TOGARAM1: variants seen among roughly 807,000 people sequenced by gnomAD.
TOGARAM1 encodes the protein TOG array regulator of axonemal microtubules 1, also known as TOG array regulator of axonemal microtubules protein 1.
TOGARAM1 carries 100 observed loss-of-function variants against 166.6 expected under a neutral mutation model. The ratio of observed to expected loss-of-function variants is 0.60; its 90% CI spans 0.51 to 0.71. The LOEUF (loss-of-function observed/expected upper bound fraction) is 0.71. TOGARAM1 is among the 30% of genes least tolerant of loss of function. TOGARAM1 has a pLI of 0.00. For synonymous variants in TOGARAM1, 758 were observed against 763.8 expected, an observed-to-expected ratio of 0.99 and a Z score of 0.13; for missense variants, 2,029 against 2,102.7, an observed-to-expected ratio of 0.96 and a Z score of 0.69.
chr14:45,056,681 G>C (rs1404555259), intron 16 of TOGARAM1, among the ~76,000 whole-genome samples: 1 of 151,988 alleles, frequency 6.6e-6, no homozygotes, highest in Non-Finnish European at 1.5e-5. Context: ...TTAATTCCGT[G>C]TGTTAAACCA....
At chr14:45,010,407 A>G (rs1879719706) in intron 6 of TOGARAM1, among the ~76,000 whole-genome samples, 1 of 152,218 alleles carries the variant, frequency 6.6e-6, no homozygotes, top group South Asian at 2.1e-4. Context: ...TGTTTACATA[A>G]TGTTATAAGA....
intron 2 of TOGARAM1, among the ~76,000 whole-genome samples, chr14:44,999,131 T>A (rs1887571215): frequency 6.6e-6 from 1 of 152,100 alleles, no homozygotes; most frequent in African/African-American, 2.4e-5. Context: ...TTCTTCAACA[T>A]ACCTGTCTTT....
intron 14 of TOGARAM1, among the ~76,000 whole-genome samples, chr14:45,051,030 G>A (rs1882338777): frequency 6.6e-6 from 1 of 152,172 alleles, no homozygotes; most frequent in South Asian, 2.1e-4. Context: ...TTTTGAAGTA[G>A]TATAAGACAT....
intron 1 of TOGARAM1, among the ~76,000 whole-genome samples, chr14:44,967,510 T>C (rs953858312): frequency 6.6e-6 from 1 of 152,210 alleles, no homozygotes; most frequent in Non-Finnish European, 1.5e-5. Flanking sequence ...CTTTTATCTA[T>C]GTAATTATTA....
intron 7 of TOGARAM1, among the ~76,000 whole-genome samples, chr14:45,021,034 A>G (rs570867488): frequency 1.3e-5 from 2 of 152,214 alleles, no homozygotes; most frequent in African/African-American, 4.8e-5. Flanking sequence ...GGAGGGTTTC[A>G]TGTAGTTTTG....
chr14:45,034,553 G>A (rs1471356317), intron 11 of TOGARAM1, among the ~76,000 whole-genome samples: 2 of 152,190 alleles, frequency 1.3e-5, no homozygotes, highest in Non-Finnish European at 2.9e-5. Flanking sequence ...AATGTCAGGA[G>A]CATATACAAT....
chr14:45,009,711 A>C (rs1277133758), intron 6 of TOGARAM1, among the ~76,000 whole-genome samples: 1 of 152,212 alleles, frequency 6.6e-6, no homozygotes, highest in Non-Finnish European at 1.5e-5. Flanking sequence ...ATTTTTCAGC[A>C]TAGCAGTTGG....
chr14:45,041,357 C>T (rs1255689533), intron 11 of TOGARAM1, among the ~76,000 whole-genome samples: 16 of 152,122 alleles, frequency 1.1e-4, no homozygotes, highest in African/African-American at 2.2e-4. Flanking sequence ...GCTGAGATCA[C>T]GCCACTGCAC....
At chr14:45,012,264 A>T (rs907623275) in intron 7 of TOGARAM1, among the ~76,000 whole-genome samples, 189 bp downstream of exon 7, 2 of 152,166 alleles carry the variant, frequency 1.3e-5, no homozygotes, top group East Asian at 3.8e-4. Context: ...ATATTTATTT[A>T]CCTGAATCAT....
In TOGARAM1 at chr14:45,044,401, CATG is replaced by C. The variant is rs201866793; in HGVS notation, c.3919-233_3919-231del. On this transcript the variant is annotated intron_variant, in intron 12 of 19. Transcript: ENST00000361462. ...ACTAAAAATACAAAAATTAGCCAGG[CATG>C]GTGGTGTGCATCTGTAATCCTAGCT... is the stretch of plus-strand genomic sequence containing the variant. Among the ~76,000 whole-genome samples the C allele has an allele frequency of 9.8e-3, 1,498 of 152,164 alleles. 91 individuals carry two copies. Among genetic ancestry groups the C allele is most frequent in the Admixed American group, 0.093 (1,422 of 15,262 alleles).
chr14:45,043,881 A>C, intron 12 of TOGARAM1, 90 bp downstream of exon 12: 1 of 713,586 alleles, frequency 1.4e-6, no homozygotes, highest in Non-Finnish European at 2.4e-6. Flanking sequence ...TTTTTAAACA[A>C]CTCTGTACCA....
chr14:45,013,086 T>A (rs1192404995), intron 7 of TOGARAM1, among the ~76,000 whole-genome samples: 2 of 152,198 alleles, frequency 1.3e-5, no homozygotes, highest in Non-Finnish European at 2.9e-5. Flanking sequence ...TCTTGTACTT[T>A]CCCTGTTTGT....
At chr14:45,045,615 G>GTATATA (rs1881995804) in intron 13 of TOGARAM1, among the ~76,000 whole-genome samples, 2 of 44,340 alleles carry the variant, frequency 4.5e-5, no homozygotes, top group Non-Finnish European at 4.6e-5. Context: ...GTGTGTGTGT[G>GTATATA]TGTATATATA....
At chr14:44,986,611 C>T (rs1313505050) in intron 1 of TOGARAM1, among the ~76,000 whole-genome samples, 1 of 151,492 alleles carries the variant, frequency 6.6e-6, no homozygotes, top group Non-Finnish European at 1.5e-5. Flanking sequence ...TTTTTCTAAA[C>T]AATTATATGC....
rs192860952 is a variant in TOGARAM1, at chr14:45,058,573, G to A, written c.4559+4024G>A. ...CTCCCAAAGTGCTTGGATTACAGGC[G>A]TGAGCCACCATGCCCAGCCTAGAAT... On this transcript the variant is annotated intron_variant, in intron 16 of 19. Coordinates refer to ENST00000361462, the MANE Select transcript of TOGARAM1 (RefSeq NM_001308120.2). Among the ~76,000 whole-genome samples, 5 of 152,216 alleles carry A rather than the reference G, an allele frequency of 3.3e-5. No homozygotes were observed. The East Asian group carries it at 7.7e-4, about 24-fold the overall frequency.
At chr14:45,062,133 AGTTAG>A (rs1882926625) in intron 16 of TOGARAM1, among the ~76,000 whole-genome samples, 1 of 152,130 alleles carries the variant, frequency 6.6e-6, no homozygotes, top group Admixed American at 6.5e-5. Context: ...ATAAAATGTC[AGTTAG>A]GTTAAGTCGG....
At position 45,068,567 on chromosome 14, in the gene TOGARAM1, T is replaced by A. The variant is rs756703982; in HGVS notation, c.4893T>A (p.Asp1631Glu). The A allele has an allele frequency of 1.9e-6, 3 of 1,613,474 alleles. No homozygotes were observed. The East Asian group carries it at 6.7e-5, about 36-fold the overall frequency. The change falls in exon 18 of 20, where the codon GAT becomes GAA. Residue 1631 changes from aspartate to glutamate, a missense_variant. Transcript: ENST00000361462. ...IINMLIPAIV[D>E]NNLNSKNPGI... is the part of the protein sequence containing the mutation. ...ACATGCTAATTCCAGCAATAGTGGA[T>A]AACAATCTGAATTCCAAGAATCCAG...
In TOGARAM1 at chr14:44,963,292, A is replaced by C. The variant is rs1885307780; in HGVS notation, c.871A>C (p.Arg291=). 6.2e-7 allele frequency: 1 copy of C among 1,614,084 alleles called. No individual in the cohort carries two copies. The highest frequency in any genetic ancestry group is 1.3e-5 in the African/African-American group (1 of 74,932). Residue 291 remains arginine (R), a synonymous_variant, in exon 1 of 20, where the codon AGG becomes CGG. Transcript: ENST00000361462. ...AATTGGGGAGCGACTTGGCCAAGACAGGTTTCAATCTTACATTTCTCGTCT... is the reference window on the plus strand; with the variant it reads ...AATTGGGGAGCGACTTGGCCAAGACCGGTTTCAATCTTACATTTCTCGTCT... ...QQIGERLGQD[R]FQSYISRLPS...
At chr14:45,059,833 A>G (rs1364817550) in intron 16 of TOGARAM1, among the ~76,000 whole-genome samples, 1 of 152,126 alleles carries the variant, frequency 6.6e-6, no homozygotes, top group Non-Finnish European at 1.5e-5. Flanking sequence ...GTGAAAATAT[A>G]TGCTTTGGGA....
Sources: gnomAD v4.1 joint callset for allele counts (sites outside exome capture counted in the v4.1 genomes callset) on GRCh38, gnomAD v4.1.1 for gene constraint, MANE v1.5 for transcripts, NCBI Gene and HGNC (gene_info 2026-07-23, HGNC 2026-07-21) for gene names.